Variants in KIR2DL1 observed in about 807,000 individuals in gnomAD.
KIR2DL1 encodes the protein killer cell immunoglobulin-like receptor 2DL1.
In KIR2DL1, 38 loss-of-function variants were observed where a neutral mutation model predicts 33.9. That is an observed-to-expected ratio of 1.12 (90% CI 0.86 to 1.47). The LOEUF is 1.47. Among genes scored for constraint, KIR2DL1 ranks in the 40% most tolerant of loss-of-function variants. The pLI, the probability that KIR2DL1 is intolerant of heterozygous loss-of-function variation, is 0.00. For synonymous variants in KIR2DL1, 179 were observed against 165.9 expected (o/e 1.08, Z -0.61); for missense variants, 531 against 433.9 (o/e 1.22, Z -1.99).
chr19:54,779,473 A>C (rs1455463392), intron 5 of KIR2DL1, among the ~76,000 whole-genome samples: 2 of 146,934 alleles, frequency 1.4e-5, no homozygotes, highest in Non-Finnish European at 3.0e-5. Context: ...GGCATCACTC[A>C]GTGCCTTCTT....
Position 54,772,118 on chromosome 19 carries a change from G to A in KIR2DL1, c.71-1215G>A, listed in dbSNP as rs1427570022. ...TGACTATTTATGATATAGGGGAAGG[G>A]ACTGAAGGAGAAGATGGAGCTCAGG... On this transcript the variant is annotated intron_variant, in intron 2 of 7. Transcript: ENST00000336077. Among the ~76,000 whole-genome samples, 4 of 148,202 alleles carry A rather than the reference G, an allele frequency of 2.7e-5. 1 individual carries two copies. The highest frequency in any genetic ancestry group is 2.1e-4 in the South Asian group (1 of 4,708).
chr19:54,774,333 G>C (rs1285131305), intron 3 of KIR2DL1, among the ~76,000 whole-genome samples: 1 of 78,610 alleles, frequency 1.3e-5, no homozygotes, highest in Non-Finnish European at 3.1e-5. Flanking sequence ...CACATAAAGA[G>C]AGAGAAAAGA....
intron 4 of KIR2DL1, among the ~76,000 whole-genome samples, chr19:54,778,281 T>G (rs1306783915): frequency 2.7e-5 from 4 of 149,480 alleles, no homozygotes; most frequent in African/African-American, 9.8e-5. Context: ...AAAAAACCAT[T>G]GGATGTAAAT....
chr19:54,783,261 G>A (rs1196090410), intron 6 of KIR2DL1, among the ~76,000 whole-genome samples: 1 of 151,772 alleles, frequency 6.6e-6, no homozygotes, highest in Non-Finnish European at 1.5e-5. Context: ...CCAGGAGAAG[G>A]TTCCATGACA....
intron 5 of KIR2DL1, among the ~76,000 whole-genome samples, chr19:54,782,418 T>TA (rs1276306231): frequency 2.0e-5 from 3 of 152,036 alleles, no homozygotes; most frequent in Admixed American, 6.6e-5. Context: ...CGTGACGGCC[T>TA]CAGGCTGCTC....
chr19:54,783,711 C>T lies in KIR2DL1; in HGVS notation c.945C>T (p.Ile315=). 6.2e-7 allele frequency: 1 copy of T among 1,614,022 alleles called. No homozygotes were observed. The highest frequency in any genetic ancestry group is 1.1e-5 in the South Asian group (1 of 91,076). ...LNHCVFTQRK[I]TRPSQRPKTP... ...ACTGCGTTTTCACACAGAGAAAAAT[C>T]ACTCGCCCTTCTCAGAGGCCCAAGA... The change falls in exon 8 of 8, where the codon ATC becomes ATT. Residue 315 remains isoleucine, a synonymous_variant. Transcript: ENST00000336077.
intron 4 of KIR2DL1, among the ~76,000 whole-genome samples, chr19:54,775,797 C>T (rs1397321949): frequency 3.4e-5 from 5 of 149,198 alleles, no homozygotes; most frequent in African/African-American, 9.8e-5. Flanking sequence ...TGGCCTCTCA[C>T]CCACACAGAG....
In KIR2DL1 at chr19:54,775,490, A is replaced by C. The variant is rs371192638; in HGVS notation, c.664+32A>C. 2 of 1,559,954 alleles carry C rather than the reference A, an allele frequency of 1.3e-6. 1 individual carries two copies. Among genetic ancestry groups the C allele is most frequent in the Admixed American group, 3.5e-5 (2 of 57,398 alleles). On this transcript the variant is annotated intron_variant, in intron 4 of 7. Coordinates refer to ENST00000336077, the MANE Select transcript of KIR2DL1 (RefSeq NM_014218.3). ...AAAGCCCATGGCTGTCCCATGTCCT[A>C]TGATCCTAGAGCCTTAGCTGAGGAG...
intron 4 of KIR2DL1, among the ~76,000 whole-genome samples, chr19:54,777,119 T>C (rs2076443480): frequency 6.6e-6 from 1 of 151,774 alleles, no homozygotes. Flanking sequence ...AGATGGAGTT[T>C]TGCTCTTCTC....
rs149078439 is a variant in KIR2DL1 at position 54,779,093 on chromosome 19, A to T, written c.715+431A>T. On this transcript the variant is annotated intron_variant, in intron 5 of 7. Coordinates refer to ENST00000336077, the MANE Select transcript of KIR2DL1 (RefSeq NM_014218.3). ...AGCAACCCTGGCTGACTCCGCAGAGAAAGAGCCTTGCCGTAACAGAGAACA... is the reference window on the plus strand; with the variant it reads ...AGCAACCCTGGCTGACTCCGCAGAGTAAGAGCCTTGCCGTAACAGAGAACA... Among the ~76,000 whole-genome samples, 44 of 139,490 alleles carry T rather than the reference A, an allele frequency of 3.2e-4. No individual in the cohort carries two copies. In the East Asian group the frequency reaches 8.6e-3, roughly 27 times the overall value. 91.5% of individuals were successfully genotyped at this position (139,490 alleles called of 152,430 possible). A position where few individuals can be genotyped will look rare whatever the true frequency, so the allele number is the denominator to read the frequency against.
chr19:54,775,475 G>T lies in KIR2DL1; in HGVS notation c.664+17G>T. ...CTGTCACAGGTGAGGAAAGCCCATG[G>T]CTGTCCCATGTCCTATGATCCTAGA... is the stretch of plus-strand genomic sequence containing the variant. On this transcript the variant is annotated intron_variant, in intron 4 of 7. Coordinates refer to ENST00000336077, the MANE Select transcript of KIR2DL1 (RefSeq NM_014218.3). 10 of 1,572,150 alleles carry T rather than the reference G, an allele frequency of 6.4e-6. No individual in the cohort carries two copies. The highest frequency in any genetic ancestry group is 1.7e-5 in the Admixed American group (1 of 57,206).
At chr19:54,774,445 G>A (rs1181226253) in intron 3 of KIR2DL1, among the ~76,000 whole-genome samples, 2 of 148,374 alleles carry the variant, frequency 1.3e-5, no homozygotes, top group Non-Finnish European at 3.0e-5. Flanking sequence ...GAGATGTGGG[G>A]ATGAATTGCA....
At chr19:54,772,702 T>C (rs1301435691) in intron 2 of KIR2DL1, among the ~76,000 whole-genome samples, 1 of 143,222 alleles carries the variant, frequency 7.0e-6, no homozygotes, top group African/African-American at 2.6e-5. Context: ...TGAGACTCTG[T>C]CGCCAAAATT....
rs1271810333 is a variant in KIR2DL1, at chr19:54,774,655, G to A, written c.371-510G>A. Among the ~76,000 whole-genome samples the A allele has an allele frequency of 1.3e-5, 2 of 148,206 alleles. 1 individual carries two copies. Among genetic ancestry groups the A allele is most frequent in the Non-Finnish European group, 3.0e-5 (2 of 66,184 alleles). ...TAGATAGATAATACATAGAGATACA[G>A]AGGCAGACATAGAGAAATCATAGAG... is the stretch of plus-strand genomic sequence containing the variant. On this transcript the variant is annotated intron_variant, in intron 3 of 7. Coordinates refer to ENST00000336077, the MANE Select transcript of KIR2DL1 (RefSeq NM_014218.3).
Position 54,784,316 on chromosome 19 carries a change from GC to G in KIR2DL1, c.*508del, listed in dbSNP as rs1231827983. The stretch of plus-strand genomic sequence containing the variant: ...TTCCATCCTTCAAATAAACATGTCT[GC>G]CCCCATGGTTTCGGTAATGGGACTC... On this transcript the variant is annotated 3_prime_UTR_variant, in exon 8 of 8. Coordinates refer to ENST00000336077, the MANE Select transcript of KIR2DL1 (RefSeq NM_014218.3). The G allele has an allele frequency of 8.6e-6, 2 of 232,068 alleles. No individual in the cohort carries two copies. Among genetic ancestry groups the G allele is most frequent in the Admixed American group, 1.1e-4 (2 of 19,018 alleles). The allele number at this position is 232,068 out of a possible 1,614,324, so 14.4% of individuals were successfully genotyped here.
At chr19:54,773,226 G>C in intron 2 of KIR2DL1, 107 bp from the exon 3 acceptor site, 1 of 1,263,466 alleles carries the variant, frequency 7.9e-7, no homozygotes, top group South Asian at 1.4e-5. Flanking sequence ...ACACAGAGAG[G>C]AAGGAGAGAG....
At chr19:54,779,036 C>T (rs1274906373) in intron 5 of KIR2DL1, among the ~76,000 whole-genome samples, 1 of 147,132 alleles carries the variant, frequency 6.8e-6, no homozygotes, top group Non-Finnish European at 1.5e-5. Context: ...AGAAGTTCCA[C>T]TTGCCAAGGA....
At chr19:54,775,082 C>T in intron 3 of KIR2DL1, 83 bp from the exon 4 acceptor site, 1 of 1,446,056 alleles carries the variant, frequency 6.9e-7, no homozygotes, top group Non-Finnish European at 9.4e-7. Flanking sequence ...GGTCATAGAA[C>T]AGGGGAGTGA....
intron 1 of KIR2DL1, among the ~76,000 whole-genome samples, chr19:54,770,129 G>T (rs1460287813): frequency 6.8e-6 from 1 of 146,350 alleles, no homozygotes; most frequent in Non-Finnish European, 1.5e-5. Context: ...GTGGAGATAG[G>T]AACCTGGAGG....
Sources: allele counts gnomAD v4.1 joint callset (sites outside exome capture counted in the v4.1 genomes callset), GRCh38; gene constraint gnomAD v4.1.1; transcripts MANE v1.5; gene names NCBI Gene and HGNC (gene_info 2026-07-23, HGNC 2026-07-21).